Variants in FBN3 observed in about 807,000 individuals in gnomAD.
FBN3 encodes fibrillin-3.
In FBN3, 234 loss-of-function variants were observed where a neutral mutation model predicts 330.1. The observed-to-expected ratio is 0.71, with a 90% CI of 0.64 to 0.79. The LOEUF (loss-of-function observed/expected upper bound fraction) is 0.79, where lower values mean the gene tolerates loss of function less well. Ranked by LOEUF, FBN3 falls within the 30% of genes least tolerant of loss-of-function variation. The pLI is 0.00. For missense variants in FBN3, 3,606 were observed against 3,886.9 expected (o/e 0.93, Z 1.92); for synonymous variants, 1,458 against 1,517.3 (o/e 0.96, Z 0.91).
In FBN3 at chr19:8,138,469, T is replaced by A. The variant is rs1238090541; in HGVS notation, c.961A>T (p.Arg321Trp). ...GGGCCAGCTGCCCAGCACCTGCCCC[T>A]GTCACAGCAGCACTGCCTGCGAGTG... The part of the protein sequence containing the change: ...HYTRRQCCCD[R>W]GRCWAAGPVP... Residue 321 changes from arginine (R) to tryptophan (W), a missense_variant, in exon 9 of 64, where the codon AGG (arginine) becomes TGG (tryptophan). By Grantham distance (101) the Arg-to-Trp change is moderately radical. Coordinates refer to ENST00000600128, the MANE Select transcript of FBN3 (RefSeq NM_032447.5). 11 of 1,613,424 alleles carry A rather than the reference T, an allele frequency of 6.8e-6. No homozygotes were observed. Among genetic ancestry groups the A allele is most frequent in the Non-Finnish European group, 9.3e-6 (11 of 1,179,994 alleles).
Position 8,147,090 on chromosome 19 carries a change from G to A in FBN3, c.250+14C>T, listed in dbSNP as rs2083564228. Reference sequence around the variant, plus strand: ...GCCTGTGCCCCCCCACCTCCAGACGGCGGTAGCACTCACGTACGACACACT... The same window carrying A: ...GCCTGTGCCCCCCCACCTCCAGACGACGGTAGCACTCACGTACGACACACT... On this transcript the variant is annotated intron_variant, in intron 3 of 63. Coordinates refer to ENST00000600128, the MANE Select transcript of FBN3 (RefSeq NM_032447.5). The A allele has an allele frequency of 1.3e-6, 2 of 1,549,892 alleles. No homozygotes were observed. Among genetic ancestry groups the A allele is most frequent in the Non-Finnish European group, 1.7e-6 (2 of 1,150,320 alleles).
chr19:8,065,937 C>T lies in FBN3; in HGVS notation c.8412G>A (p.Val2804=). Residue 2804 remains valine (V), a synonymous_variant, in exon 64 of 64, where the codon GTG becomes GTA. Transcript: ENST00000600128. Reference sequence around the variant, plus strand: ...CTCCCAACTAAAGCAACTGCAGCTGCACCTTCAGCCTCAAGGCCTGGCCCC... The same window carrying T: ...CTCCCAACTAAAGCAACTGCAGCTGTACCTTCAGCCTCAAGGCCTGGCCCC... ...GPWGQALRLK[V]QLQLL 6.3e-7 allele frequency: 1 copy of T among 1,586,512 alleles called. No homozygotes were observed. The highest frequency in any genetic ancestry group is 8.6e-7 in the Non-Finnish European group (1 of 1,164,832).
chr19:8,118,176 G>A lies in FBN3; in HGVS notation c.3338-587C>T, dbSNP rs547580100. ...CCACACCCAGAGGTACACCCACACA[G>A]ACCCACTCAAACACATTCTCACACC... On this transcript the variant is annotated intron_variant, in intron 26 of 63. Coordinates refer to ENST00000600128, the MANE Select transcript of FBN3 (RefSeq NM_032447.5). Among the ~76,000 whole-genome samples the A allele has an allele frequency of 5.3e-5, 8 of 151,580 alleles. No individual in the cohort carries two copies. The East Asian group carries it at 1.4e-3, about 26-fold the overall frequency.
At chr19:8,115,404 A>G in intron 30 of FBN3, 111 bp downstream of exon 30, 1 of 1,334,454 alleles carries the variant, frequency 7.5e-7, no homozygotes, top group Non-Finnish European at 1.0e-6. Flanking sequence ...GTGGAAATCT[A>G]TGAGAATGAA....
rs1485616469 is a variant in FBN3 at position 8,123,999 on chromosome 19, A to C, written c.2741T>G (p.Leu914Trp). The C allele has an allele frequency of 1.9e-6, 3 of 1,613,574 alleles. No individual in the cohort carries two copies. Among genetic ancestry groups the C allele is most frequent in the Non-Finnish European group, 2.5e-6 (3 of 1,179,842 alleles). Residue 914 changes from leucine to tryptophan, a missense_variant, in exon 23 of 64, where the codon TTG becomes TGG. Transcript: ENST00000600128. ...ASGRLCVDVR[L>W]EPCFLRWDED... ...ATCCCATCGCAGGAAACATGGTTCC[A>C]ATCTCACATCTGCACGGGGGACAGT...
chr19:8,082,308 C>T (rs571451882), intron 57 of FBN3, among the ~76,000 whole-genome samples: 3 of 150,266 alleles, frequency 2.0e-5, no homozygotes, highest in Non-Finnish European at 4.4e-5. Flanking sequence ...TCTCTTTCTC[C>T]CTTTCTCTTT....
At position 8,131,382 on chromosome 19, in the gene FBN3, A is replaced by AAG; in HGVS notation, c.1991-96_1991-95dup. On this transcript the variant is annotated intron_variant, in intron 15 of 63. Transcript: ENST00000600128. The surrounding 1 kb of genome is among the most constrained non-coding windows in gnomAD (Gnocchi z 4.5). ...AGGATGAGGCCCTCTGGTCTTGGGC[A>AAG]AGAGTTTGGGACTAAGACACAACTC... The AAG allele has an allele frequency of 1.3e-6, 2 of 1,511,800 alleles. No individual in the cohort carries two copies. The highest frequency in any genetic ancestry group is 1.8e-6 in the Non-Finnish European group (2 of 1,100,334). The allele number at this position is 1,511,800 out of a possible 1,614,324, so 93.6% of individuals were successfully genotyped here.
chr19:8,092,455 G>A (rs934495182), intron 47 of FBN3, among the ~76,000 whole-genome samples: 1 of 152,024 alleles, frequency 6.6e-6, no homozygotes, highest in Non-Finnish European at 1.5e-5. Flanking sequence ...GCTCACACCT[G>A]TAATCCCAGC....
At chr19:8,135,936 G>GGGGGGGGGGCCCCCCCCCCCCCCCC in intron 13 of FBN3, 25 bp downstream of exon 13, 2 of 668,762 alleles carry the variant, frequency 3.0e-6, no homozygotes, top group African/African-American at 2.0e-5. Flanking sequence ...GGAAGCCCCT[G>GGGGGGGGGGCCCCCCCCCCCCCCCC]CCCACCCGCC....
intron 16 of FBN3, among the ~76,000 whole-genome samples, chr19:8,130,638 AAG>A (rs1202981923): frequency 4.1e-5 from 2 of 48,682 alleles, no homozygotes; most frequent in African/African-American, 2.7e-4. Context: ...GAAAGAAAGA[AAG>A]AAAGGAAAGG....
intron 3 of FBN3, 104 bp downstream of exon 3, chr19:8,147,000 A>G: frequency 1.9e-6 from 2 of 1,058,374 alleles, no homozygotes; most frequent in South Asian, 1.4e-5. Flanking sequence ...TGGTTCAGCC[A>G]GAGGTCCCTG....
Position 8,089,553 on chromosome 19 carries a change from T to C in FBN3, c.6368A>G (p.Asn2123Ser), listed in dbSNP as rs772075692. The change falls in exon 51 of 64, where the codon AAC (asparagine) becomes AGC (serine). Residue 2123 changes from asparagine (N) to serine (S), a missense_variant. Physicochemically the swap from Asn to Ser is conservative, Grantham distance 46. Transcript: ENST00000600128. ...AAGGGCTGGCCACTCACCCACACAG[T>C]TGATGCCAGTGAAGTCCAGGCTGTA... ...FGYSLDFTGINCVDTDECSVG... is the reference protein window; with the variant it reads ...FGYSLDFTGISCVDTDECSVG... 31 of 1,613,968 alleles carry C rather than the reference T, an allele frequency of 1.9e-5. No homozygotes were observed. Among genetic ancestry groups the C allele is most frequent in the Non-Finnish European group, 2.5e-5 (29 of 1,179,982 alleles).
chr19:8,133,992 C>T (rs1463476524), intron 13 of FBN3, among the ~76,000 whole-genome samples: 3 of 149,914 alleles, frequency 2.0e-5, no homozygotes, highest in Admixed American at 6.7e-5. Context: ...TTTGGGAGGC[C>T]GAGATGGGCA....
chr19:8,135,935 T>TTGGGGGGGGGGGGGGGGCGC, intron 13 of FBN3, 26 bp downstream of exon 13: 6 of 1,344,156 alleles, frequency 4.5e-6, no homozygotes, highest in Non-Finnish European at 6.0e-6. Flanking sequence ...CGGAAGCCCC[T>TTGGGGGGGGGGGGGGGGCGC]GCCCACCCGC....
At chr19:8,135,936 G>GGGGGGGGGGGGGGGGGGGGGGGGGGGGGC in intron 13 of FBN3, 25 bp downstream of exon 13, 1 of 668,776 alleles carries the variant, frequency 1.5e-6, no homozygotes, top group Non-Finnish European at 2.4e-6. Context: ...GGAAGCCCCT[G>GGGGGGGGGGGGGGGGGGGGGGGGGGGGGC]CCCACCCGCC....
chr19:8,137,081 C>CT (rs1243999086), intron 10 of FBN3, among the ~76,000 whole-genome samples: 2 of 151,748 alleles, frequency 1.3e-5, no homozygotes, highest in South Asian at 2.1e-4. Flanking sequence ...AACCTGGGGC[C>CT]TAGATCTCTC....
intron 53 of FBN3, 112 bp from the exon 54 acceptor site, chr19:8,087,323 C>A (rs573174611): frequency 8.2e-7 from 1 of 1,217,884 alleles, no homozygotes; most frequent in East Asian, 2.7e-5. Flanking sequence ...TCCCTGCAGA[C>A]CCTGTCAAAT....
chr19:8,142,314 C>T (rs2083436259), intron 6 of FBN3, among the ~76,000 whole-genome samples, 177 bp from the exon 7 acceptor site: 1 of 152,158 alleles, frequency 6.6e-6, no homozygotes, highest in African/African-American at 2.4e-5. Flanking sequence ...CTCCTATTCA[C>T]CCTTCAAAAC....
rs149770077 is a variant in FBN3 at position 8,109,872 on chromosome 19, G to A, written c.4334-119C>T. 4.2e-5 allele frequency: 49 copies of A among 1,157,672 alleles called. No individual in the cohort carries two copies. In the East Asian group the frequency reaches 1.2e-3, roughly 29 times the overall value. 71.7% of individuals were successfully genotyped at this position (1,157,672 alleles called of 1,614,324 possible). ...GGTCAACTCCTGGGCACCAGATTGT[G>A]GGACAATGTCATGTCCTTCCCTGGG... On this transcript the variant is annotated intron_variant, in intron 34 of 63. Coordinates refer to ENST00000600128, the MANE Select transcript of FBN3 (RefSeq NM_032447.5). The surrounding 1 kb of genome is among the most constrained non-coding windows in gnomAD (Gnocchi z 5.2).
Sources: allele counts gnomAD v4.1 joint callset (sites outside exome capture counted in the v4.1 genomes callset), GRCh38; gene constraint gnomAD v4.1.1; non-coding constraint Gnocchi (gnomAD v3.1); transcripts MANE v1.5; gene names NCBI Gene and HGNC (gene_info 2026-07-23, HGNC 2026-07-21).